GIPC2: variants seen among roughly 807,000 people sequenced by gnomAD.
The protein encoded by GIPC2 is PDZ domain-containing protein GIPC2.
GIPC2 carries 30 observed loss-of-function variants against 30.6 expected under a neutral mutation model. The observed-to-expected ratio is 0.98, with a 90% CI of 0.73 to 1.33. GIPC2 has a LOEUF of 1.33. GIPC2 is among the 40% of genes most tolerant of loss of function. The pLI is 0.00. For missense variants in GIPC2, 414 were observed against 390.3 expected (o/e 1.06, Z -0.51); for synonymous variants, 167 against 150.0 (o/e 1.11, Z -0.83).
intron 5 of GIPC2, 126 bp downstream of exon 5, chr1:78,126,088 C>T (rs1662777512): frequency 3.6e-6 from 2 of 562,794 alleles, no homozygotes; most frequent in East Asian, 6.2e-5. Context: ...AAAAGAATAA[C>T]AGACATAAAG....
At chr1:78,127,491 T>C (rs1331344063) in intron 5 of GIPC2, among the ~76,000 whole-genome samples, 1 of 152,246 alleles carries the variant, frequency 6.6e-6, no homozygotes, top group African/African-American at 2.4e-5. Context: ...GATTTGGCTA[T>C]TACCTGTCTT....
intron 1 of GIPC2, among the ~76,000 whole-genome samples, chr1:78,050,026 A>T (rs1661167265): frequency 6.6e-6 from 1 of 150,704 alleles, no homozygotes; most frequent in Non-Finnish European, 1.5e-5. Context: ...CCTCCTGAAT[A>T]GCTGGGATTA....
At chr1:78,046,423 G>C (rs1211198639) in intron 1 of GIPC2, 89 bp downstream of exon 1, 1 of 1,265,318 alleles carries the variant, frequency 7.9e-7, no homozygotes, top group East Asian at 2.6e-5. Context: ...GGGTTGAGCG[G>C]CGTTTCCCGG....
chr1:78,104,606 G>A (rs923224890), intron 3 of GIPC2, among the ~76,000 whole-genome samples: 1 of 152,076 alleles, frequency 6.6e-6, no homozygotes, highest in Non-Finnish European at 1.5e-5. Flanking sequence ...AAAAGTGTGA[G>A]TAATATTGTA....
chr1:78,110,970 A>T (rs1374340284), intron 3 of GIPC2, among the ~76,000 whole-genome samples: 2 of 152,200 alleles, frequency 1.3e-5, no homozygotes, highest in Non-Finnish European at 2.9e-5. Context: ...ACTGAAAAAA[A>T]TAAGCATTCC....
chr1:78,086,482 A>C (rs1399191609), intron 2 of GIPC2, among the ~76,000 whole-genome samples: 1 of 152,048 alleles, frequency 6.6e-6, no homozygotes, highest in Admixed American at 6.6e-5. Context: ...TATCTTTGTT[A>C]ATTTTCTACC....
At chr1:78,055,567 ATTCT>A (rs1661273465) in intron 1 of GIPC2, among the ~76,000 whole-genome samples, 2 of 152,042 alleles carry the variant, frequency 1.3e-5, no homozygotes, top group Non-Finnish European at 2.9e-5. Flanking sequence ...CTTTTGACTG[ATTCT>A]TTCTTCTCAT....
At chr1:78,087,901 T>A (rs1661961603) in intron 2 of GIPC2, among the ~76,000 whole-genome samples, 1 of 151,852 alleles carries the variant, frequency 6.6e-6, no homozygotes, top group African/African-American at 2.4e-5. Context: ...TTAAGGAAAG[T>A]TACCAGAAAA....
intron 1 of GIPC2, among the ~76,000 whole-genome samples, chr1:78,076,946 TA>T (rs1432039738): frequency 9.9e-5 from 15 of 151,732 alleles, no homozygotes; most frequent in African/African-American, 3.6e-4. Context: ...TTTTTTTTTT[TA>T]TTTTTAGAGA....
intron 1 of GIPC2, among the ~76,000 whole-genome samples, chr1:78,065,409 A>G (rs1051690491): frequency 9.9e-5 from 15 of 152,200 alleles, no homozygotes; most frequent in Admixed American, 9.8e-4. Flanking sequence ...CAAAGAAATC[A>G]GAGATATCAC....
At chr1:78,045,066 A>G (rs1352898753), upstream of GIPC2, 1 of 983,614 alleles carries the variant, frequency 1.0e-6, no homozygotes, top group Non-Finnish European at 1.2e-6. Flanking sequence ...ACAAAATTTA[A>G]GAAGAATGAA....
chr1:78,083,715 G>A (rs993820434), intron 2 of GIPC2, among the ~76,000 whole-genome samples: 2 of 152,066 alleles, frequency 1.3e-5, no homozygotes, highest in Admixed American at 6.6e-5. Context: ...ACATGACTTC[G>A]TGTTTTACTG....
At chr1:78,079,988 C>G (rs188555696) in intron 1 of GIPC2, among the ~76,000 whole-genome samples, 268 of 152,202 alleles carry the variant, frequency 1.8e-3, no homozygotes, top group Middle Eastern at 3.4e-3. Context: ...GACCCCAATT[C>G]CATGGCCCCC....
At chr1:78,053,470 C>A (rs1266290292) in intron 1 of GIPC2, among the ~76,000 whole-genome samples, 1 of 152,152 alleles carries the variant, frequency 6.6e-6, no homozygotes, top group East Asian at 1.9e-4. Flanking sequence ...TCACCCTCCT[C>A]ACAAGGAGCA....
chr1:78,051,218 T>A (rs1367912594), intron 1 of GIPC2, among the ~76,000 whole-genome samples: 1 of 152,094 alleles, frequency 6.6e-6, no homozygotes, highest in African/African-American at 2.4e-5. Context: ...TCATCATTAT[T>A]GATCCTTGGA....
At chr1:78,112,064 T>C (rs1196376699) in intron 3 of GIPC2, among the ~76,000 whole-genome samples, 1 of 152,194 alleles carries the variant, frequency 6.6e-6, no homozygotes, top group Non-Finnish European at 1.5e-5. Context: ...AGTACTAAAG[T>C]CCTTGTAAGA....
At chr1:78,113,812 C>T (rs1308919694) in intron 3 of GIPC2, among the ~76,000 whole-genome samples, 1 of 152,068 alleles carries the variant, frequency 6.6e-6, no homozygotes, top group Non-Finnish European at 1.5e-5. Context: ...AGCCACTGAA[C>T]CCAGCCAAAA....
chr1:78,119,706 C>T (rs994577028), intron 4 of GIPC2, among the ~76,000 whole-genome samples: 2 of 152,040 alleles, frequency 1.3e-5, no homozygotes, highest in Non-Finnish European at 2.9e-5. Context: ...CTGTAGGTGA[C>T]GTTTCTAGAC....
chr1:78,092,124 G>A, intron 2 of GIPC2: 1 of 979,092 alleles, frequency 1.0e-6, no homozygotes, highest in Non-Finnish European at 1.6e-6. Context: ...AAGTAGCAGG[G>A]TGTTCAGGAT....
Sources: allele counts gnomAD v4.1 joint callset (sites outside exome capture counted in the v4.1 genomes callset), GRCh38; gene constraint gnomAD v4.1.1; transcripts MANE v1.5; gene names NCBI Gene and HGNC (gene_info 2026-07-23, HGNC 2026-07-21).